SMARCAL1: variants seen among roughly 807,000 people sequenced by gnomAD.
SMARCAL1 encodes SNF2 related chromatin remodeling annealing helicase 1.
SMARCAL1 carries 58 observed loss-of-function variants against 94.5 expected under a neutral mutation model. That is an observed-to-expected ratio of 0.61 (90% CI 0.50 to 0.76). SMARCAL1 has a LOEUF of 0.76. Ranked by LOEUF, SMARCAL1 falls within the 30% of genes least tolerant of loss-of-function variation. The probability of loss-of-function intolerance (pLI) is 0.00; values close to 1 mark genes in which losing one functional copy is unlikely to be tolerated. For missense variants in SMARCAL1, 1,051 were observed against 1,177.9 expected (o/e 0.89, Z 1.58); for synonymous variants, 422 against 455.1 (o/e 0.93, Z 0.93).
intron 10 of SMARCAL1, 90 bp from the exon 11 acceptor site, chr2:216,446,928 G>T: frequency 4.6e-6 from 7 of 1,509,052 alleles, no homozygotes; most frequent in East Asian, 4.5e-5. Context: ...TTTTCTGGGG[G>T]CATCCAGCTC....
At chr2:216,432,904 G>A in intron 8 of SMARCAL1, 36 bp downstream of exon 8, 2 of 1,613,508 alleles carry the variant, frequency 1.2e-6, no homozygotes, top group South Asian at 2.2e-5. Context: ...TCACAGAGAA[G>A]GTTTTCTTCA....
At position 216,450,961 on chromosome 2, in the gene SMARCAL1, C is replaced by G. The variant is rs1234057744; in HGVS notation, c.1967C>G (p.Ala656Gly). ...TCCGACGTCCTTTCCCAGCTGCCTG[C>G]CAAGCAGCGCAAGATAGTGGTGATT... The part of the protein sequence containing the change: ...LKSDVLSQLP[A>G]KQRKIVVIAP... The change falls in exon 12 of 18, where the codon GCC becomes GGC. Residue 656 changes from alanine (A) to glycine (G), a missense_variant. Ala to Gly is a moderately conservative substitution (Grantham distance 60, BLOSUM62 0). This residue lies in a region of SMARCAL1 where 642 missense variants were observed against 754.7 expected (regional missense o/e 0.85). Coordinates refer to ENST00000357276, the MANE Select transcript of SMARCAL1 (RefSeq NM_014140.4). 6.2e-6 allele frequency: 10 copies of G among 1,614,170 alleles called. No individual in the cohort carries two copies. The Admixed American group carries it at 1.5e-4, about 24-fold the overall frequency.
At chr2:216,435,221 T>C in intron 8 of SMARCAL1, 117 bp from the exon 9 acceptor site, 1 of 1,069,724 alleles carries the variant, frequency 9.3e-7, no homozygotes, top group Non-Finnish European at 1.4e-6. Flanking sequence ...GGGGCACAGG[T>C]AGGTGAGAGG....
chr2:216,446,185 G>A (rs1441688177), intron 10 of SMARCAL1, among the ~76,000 whole-genome samples: 1 of 152,072 alleles, frequency 6.6e-6, no homozygotes, highest in African/African-American at 2.4e-5. Context: ...TGATGCCCAT[G>A]GGTCAGGTTG....
intron 6 of SMARCAL1, 37 bp from the exon 7 acceptor site, chr2:216,428,559 A>C (rs926460859): frequency 2.2e-5 from 36 of 1,605,546 alleles, no homozygotes; most frequent in Non-Finnish European, 2.8e-5. Flanking sequence ...TTTGGGCATG[A>C]ACACTCCAGC....
At chr2:216,436,263 C>T (rs1393347946) in intron 9 of SMARCAL1, among the ~76,000 whole-genome samples, 1 of 152,184 alleles carries the variant, frequency 6.6e-6, no homozygotes, top group African/African-American at 2.4e-5. Context: ...GCCACCTTGC[C>T]CGGCCTCTAA....
chr2:216,415,129 A>C lies in SMARCAL1; in HGVS notation c.425A>C (p.Glu142Ala). 6.2e-7 allele frequency: 1 copy of C among 1,613,206 alleles called. No homozygotes were observed. The highest frequency in any genetic ancestry group is 8.5e-7 in the Non-Finnish European group (1 of 1,179,438). The part of the protein sequence containing the change: ...EVPKQQLLSY[E>A]LGQGHAQASP... ...CCTAAACAACAGCTCTTGAGTTATG[A>C]GTTAGGTCAAGGTCATGCTCAGGCT... The change falls in exon 3 of 18, where the codon GAG (glutamate) becomes GCG (alanine). Residue 142 changes from glutamate (E) to alanine (A), a missense_variant. This residue lies in a region of SMARCAL1 where 398 missense variants were observed against 395.2 expected (regional missense o/e 1.01). Transcript: ENST00000357276.
At position 216,435,516 on chromosome 2, in the gene SMARCAL1, CT is replaced by C. The variant is rs1559127468; in HGVS notation, c.1644+23del. 1 of 1,604,442 alleles carries C rather than the reference CT, an allele frequency of 6.2e-7. No individual in the cohort carries two copies. The highest frequency in any genetic ancestry group is 8.5e-7 in the Non-Finnish European group (1 of 1,171,296). On this transcript the variant is annotated intron_variant, in intron 9 of 17. Coordinates refer to ENST00000357276, the MANE Select transcript of SMARCAL1 (RefSeq NM_014140.4). ...ATCATTGTAAGAAACTTGGCAAAGT[CT>C]TTAAGTACTTTATCTCTCTGGAAAC...
chr2:216,444,247 T>C (rs1694257760), intron 10 of SMARCAL1, among the ~76,000 whole-genome samples: 1 of 152,240 alleles, frequency 6.6e-6, no homozygotes, highest in African/African-American at 2.4e-5. Flanking sequence ...TGTATAAATT[T>C]ATTTAGAGTA....
At position 216,415,440 on chromosome 2, in the gene SMARCAL1, G is replaced by T. The variant is rs534474398; in HGVS notation, c.736G>T (p.Asp246Tyr). 1 of 1,614,080 alleles carries T rather than the reference G, an allele frequency of 6.2e-7. No individual in the cohort carries two copies. Among genetic ancestry groups the T allele is most frequent in the Non-Finnish European group, 8.5e-7 (1 of 1,180,052 alleles). The change falls in exon 3 of 18, where the codon GAT becomes TAT. Residue 246 changes from aspartate (D) to tyrosine (Y), a missense_variant. By Grantham distance (160) the Asp-to-Tyr change is radical. Around this residue, in one of 3 missense-constraint regions of SMARCAL1, gnomAD observed 398 missense variants for 395.2 expected, o/e 1.01. Coordinates refer to ENST00000357276, the MANE Select transcript of SMARCAL1 (RefSeq NM_014140.4). ...GAAGGGAAAGTGCGTAAGGAACGGC[G>T]ATCGTTTCCAGGTGTTGATTGGGTA... is the stretch of plus-strand genomic sequence containing the variant. The part of the protein sequence containing the change: ...SQKGKCVRNG[D>Y]RFQVLIGYNA...
intron 12 of SMARCAL1, among the ~76,000 whole-genome samples, chr2:216,462,396 T>G (rs1368717909): frequency 6.6e-6 from 1 of 152,214 alleles, no homozygotes; most frequent in African/African-American, 2.4e-5. Context: ...CATGTAAGCC[T>G]GCCCTGCCCC....
intron 5 of SMARCAL1, among the ~76,000 whole-genome samples, chr2:216,421,888 T>G (rs547992323): frequency 6.6e-6 from 1 of 152,318 alleles, no homozygotes; most frequent in Non-Finnish European, 1.5e-5. Flanking sequence ...AGGGTTTGGG[T>G]TCCGGAGGAG....
intron 12 of SMARCAL1, among the ~76,000 whole-genome samples, chr2:216,455,769 T>C (rs1271705100): frequency 1.3e-5 from 2 of 152,144 alleles, no homozygotes; most frequent in African/African-American, 4.8e-5. Flanking sequence ...GCAGAAAAAC[T>C]GAAAATTCTA....
chr2:216,444,287 G>A (rs1694258483), intron 10 of SMARCAL1, among the ~76,000 whole-genome samples: 1 of 152,102 alleles, frequency 6.6e-6, no homozygotes, highest in South Asian at 2.1e-4. Context: ...GTATAAGACT[G>A]GACTGAGCTT....
chr2:216,457,601 G>A (rs181083769), intron 12 of SMARCAL1, among the ~76,000 whole-genome samples: 2 of 152,306 alleles, frequency 1.3e-5, no homozygotes, highest in East Asian at 1.9e-4. Context: ...GGTACATAAC[G>A]AAATGAAGGC....
rs1202202843 is a variant in SMARCAL1, at chr2:216,482,039, T to C, written c.2626-699T>C. On this transcript the variant is annotated intron_variant, in intron 17 of 17. Coordinates refer to ENST00000357276, the MANE Select transcript of SMARCAL1 (RefSeq NM_014140.4). The surrounding 1 kb of genome is among the most constrained non-coding windows in gnomAD (Gnocchi z 4.3). ...TGCAGTTGGTGGGTATTTTGATTAT[T>C]TGTAATTTAAGGTAATCAGAATAGG... Among the ~76,000 whole-genome samples the C allele has an allele frequency of 1.3e-5, 2 of 152,222 alleles. No homozygotes were observed. Among genetic ancestry groups the C allele is most frequent in the African/African-American group, 4.8e-5 (2 of 41,446 alleles).
Position 216,475,236 on chromosome 2 carries a change from T to TCTCA in SMARCAL1, c.2245-33_2245-32insCTCA. 6.2e-7 allele frequency: 1 copy of TCTCA among 1,612,876 alleles called. No individual in the cohort carries two copies. The highest frequency in any genetic ancestry group is 8.5e-7 in the Non-Finnish European group (1 of 1,179,496). On this transcript the variant is annotated intron_variant, in intron 14 of 17. Transcript: ENST00000357276. The surrounding 1 kb of genome is among the most constrained non-coding windows in gnomAD (Gnocchi z 4.4). ...TTTGCTGAGAAGCCCCCGGGGCTGT[T>TCTCA]GCCCACCTTGCTTCTGCCCCTTGTT... is the stretch of plus-strand genomic sequence containing the variant.
chr2:216,444,197 G>A (rs1694256901), intron 10 of SMARCAL1, among the ~76,000 whole-genome samples: 1 of 152,038 alleles, frequency 6.6e-6, no homozygotes, highest in African/African-American at 2.4e-5. Flanking sequence ...GATATTACCT[G>A]CCTTCTTCAT....
At chr2:216,462,177 C>G (rs1694720872) in intron 12 of SMARCAL1, among the ~76,000 whole-genome samples, 1 of 152,196 alleles carries the variant, frequency 6.6e-6, no homozygotes, top group Non-Finnish European at 1.5e-5. Context: ...ACTCTAGGTG[C>G]TAAATGTTAG....
Sources: allele counts gnomAD v4.1 joint callset (sites outside exome capture counted in the v4.1 genomes callset), GRCh38; gene constraint gnomAD v4.1.1; regional missense constraint gnomAD v4.1.1; non-coding constraint Gnocchi (gnomAD v3.1); transcripts MANE v1.5; gene names NCBI Gene and HGNC (gene_info 2026-07-23, HGNC 2026-07-21).